The following GRIK2 variants were observed in gnomAD, a reference collection of about 807,000 sequenced individuals.
The protein encoded by GRIK2 is glutamate receptor ionotropic, kainate 2.
In GRIK2, 32 loss-of-function variants were observed where a neutral mutation model predicts 100.3. The observed-to-expected ratio is 0.32, with a 90% CI of 0.24 to 0.43. The LOEUF is 0.43. GRIK2 is among the 20% of genes least tolerant of loss of function. The pLI is 1.00. For missense variants in GRIK2, 843 were observed against 1,114.9 expected (o/e 0.76, Z 3.47); for synonymous variants, 417 against 389.4 (o/e 1.07, Z -0.83).
intron 7 of GRIK2, among the ~76,000 whole-genome samples, chr6:101,759,227 T>C (rs1428365586): frequency 6.6e-6 from 1 of 152,234 alleles, no homozygotes. Context: ...TTTTAAATTA[T>C]GTAAAGAAGT....
At chr6:101,984,800 A>G (rs1193088787) in intron 14 of GRIK2, among the ~76,000 whole-genome samples, 1 of 151,792 alleles carries the variant, frequency 6.6e-6, no homozygotes, top group Admixed American at 6.6e-5. Context: ...ATCGGACCCC[A>G]ATAATGAAAT....
At chr6:102,021,420 T>C (rs543807432) in intron 14 of GRIK2, among the ~76,000 whole-genome samples, 50 of 131,524 alleles carry the variant, frequency 3.8e-4, no homozygotes, top group Non-Finnish European at 5.0e-4. Context: ...ATTATGTAAA[T>C]ATATTACAAA....
intron 14 of GRIK2, among the ~76,000 whole-genome samples, chr6:101,936,816 G>C (rs549860128): frequency 7.0e-4 from 107 of 152,172 alleles, no homozygotes; most frequent in South Asian, 1.2e-3. Context: ...CTTTCCTATG[G>C]GAAAGAAAGT....
chr6:101,770,018 G>A (rs1778298976), intron 7 of GRIK2, among the ~76,000 whole-genome samples: 2 of 152,124 alleles, frequency 1.3e-5, no homozygotes, highest in South Asian at 4.1e-4. Flanking sequence ...GCAAGATTGT[G>A]GATTTTGTAT....
chr6:101,588,226 C>T (rs1176797706), intron 2 of GRIK2, among the ~76,000 whole-genome samples: 1 of 151,892 alleles, frequency 6.6e-6, no homozygotes, highest in Non-Finnish European at 1.5e-5. Context: ...ATTGATCAGG[C>T]TATCGATAAG....
chr6:101,423,508 A>G (rs1776526595), intron 2 of GRIK2, among the ~76,000 whole-genome samples: 1 of 152,170 alleles, frequency 6.6e-6, no homozygotes, highest in African/African-American at 2.4e-5. Context: ...ATGAAGTGAT[A>G]TCATTCATTG....
chr6:102,035,460 C>T lies in GRIK2; in HGVS notation c.2205C>T (p.Phe735=). The change falls in exon 15 of 17, where the codon TTC becomes TTT. Residue 735 remains phenylalanine (F), a synonymous_variant. Coordinates refer to ENST00000369134, the MANE Select transcript of GRIK2 (RefSeq NM_021956.5). ...IQRVLTSDYA[F]LMESTTIEFV... is the part of the protein sequence containing the mutation. ...GAGTCCTCACCTCTGATTATGCTTT[C>T]CTAATGGAGTCAACAACCATCGAGT... 6.2e-7 allele frequency: 1 copy of T among 1,609,040 alleles called. No individual in the cohort carries two copies. Among genetic ancestry groups the T allele is most frequent in the Non-Finnish European group, 8.5e-7 (1 of 1,176,310 alleles).
At chr6:101,949,914 A>T (rs972001502) in intron 14 of GRIK2, among the ~76,000 whole-genome samples, 2 of 152,112 alleles carry the variant, frequency 1.3e-5, no homozygotes, top group Non-Finnish European at 2.9e-5. Flanking sequence ...CTGGTTCTAG[A>T]TGCTTGAGGA....
intron 14 of GRIK2, among the ~76,000 whole-genome samples, chr6:102,009,197 T>A (rs1795395989): frequency 6.6e-6 from 1 of 152,072 alleles, no homozygotes; most frequent in South Asian, 2.1e-4. Flanking sequence ...AACTAATGAA[T>A]CCTTTTGATT....
At chr6:101,918,161 C>G (rs1789240157) in intron 12 of GRIK2, among the ~76,000 whole-genome samples, 1 of 141,670 alleles carries the variant, frequency 7.1e-6, no homozygotes, top group African/African-American at 2.6e-5. Flanking sequence ...TTTTTCATAA[C>G]ACGTGAAAGT....
chr6:101,744,523 C>CATATATATATATATATATAT (rs60236327), intron 7 of GRIK2: 2 of 61,242 alleles, frequency 3.3e-5, no homozygotes, highest in Non-Finnish European at 6.2e-5. Context: ...TGCGTGCGCG[C>CATATATATATATATATATAT]ATATATATAT....
At chr6:101,959,852 G>A (rs1231393256) in intron 14 of GRIK2, among the ~76,000 whole-genome samples, 1 of 151,854 alleles carries the variant, frequency 6.6e-6, no homozygotes, top group East Asian at 1.9e-4. Flanking sequence ...GTTTCATCTT[G>A]TAAAGTATGT....
intron 7 of GRIK2, 117 bp from the exon 8 acceptor site, chr6:101,799,531 C>T (rs117873092): frequency 0.05 from 37,322 of 741,394 alleles, 1,115 homozygotes; most frequent in Middle Eastern, 0.059. Flanking sequence ...CTTCTTTATA[C>T]AAAGAAAAAT....
At chr6:101,586,412 G>A (rs562755834) in intron 2 of GRIK2, among the ~76,000 whole-genome samples, 18 of 152,168 alleles carry the variant, frequency 1.2e-4, no homozygotes, top group Non-Finnish European at 2.6e-4. Context: ...AACATAAAAA[G>A]TGATCTTGAG....
At chr6:101,949,106 T>G (rs567994829) in intron 14 of GRIK2, among the ~76,000 whole-genome samples, 1 of 152,250 alleles carries the variant, frequency 6.6e-6, no homozygotes, top group Non-Finnish European at 1.5e-5. Flanking sequence ...AAAAATAATG[T>G]ATATGTTCTA....
intron 11 of GRIK2, among the ~76,000 whole-genome samples, chr6:101,872,798 G>T (rs1274328310): frequency 6.6e-6 from 1 of 151,798 alleles, no homozygotes; most frequent in Non-Finnish European, 1.5e-5. Flanking sequence ...ATATTAAATA[G>T]ATTAAGTAAT....
At chr6:101,800,197 T>A (rs556612512) in intron 8 of GRIK2, among the ~76,000 whole-genome samples, 1 of 152,114 alleles carries the variant, frequency 6.6e-6, no homozygotes, top group African/African-American at 2.4e-5. Flanking sequence ...CCTAAATATG[T>A]CTAGTTATTT....
chr6:101,819,678 C>T (rs1239386281), intron 10 of GRIK2, among the ~76,000 whole-genome samples: 4 of 152,202 alleles, frequency 2.6e-5, no homozygotes, highest in Admixed American at 2.0e-4. Context: ...TACACATCCT[C>T]TTTCTGATCT....
intron 7 of GRIK2, among the ~76,000 whole-genome samples, chr6:101,788,216 TTTA>T (rs1554263286): frequency 6.6e-6 from 1 of 152,086 alleles, no homozygotes; most frequent in Non-Finnish European, 1.5e-5. Flanking sequence ...TTTCTTTTTT[TTTA>T]TTATTATACT....
Sources: gnomAD v4.1 joint callset for allele counts (sites outside exome capture counted in the v4.1 genomes callset) on GRCh38, gnomAD v4.1.1 for gene constraint, MANE v1.5 for transcripts, NCBI Gene and HGNC (gene_info 2026-07-23, HGNC 2026-07-21) for gene names.